The following MAGI3 variants were observed in gnomAD, a reference collection of about 807,000 sequenced individuals.
MAGI3 encodes membrane-associated guanylate kinase, WW and PDZ domain-containing protein 3.
Under a neutral mutation model 121.8 loss-of-function variants are expected in MAGI3, and 43 were observed. That is an observed-to-expected ratio of 0.35 (90% CI 0.28 to 0.46). The LOEUF (loss-of-function observed/expected upper bound fraction) is 0.46. MAGI3 is among the 20% of genes least tolerant of loss of function. The probability of loss-of-function intolerance (pLI) is 1.00; values close to 1 mark genes in which losing one functional copy is unlikely to be tolerated. For synonymous variants in MAGI3, 553 were observed against 639.3 expected (o/e 0.86, Z 2.04); for missense variants, 1,547 against 1,797.3 (o/e 0.86, Z 2.52).
Position 113,651,006 on chromosome 1 carries a change from C to T in MAGI3, c.2248-8C>T, listed in dbSNP as rs1390920088. On this transcript the variant is annotated splice_region_variant and splice_polypyrimidine_tract_variant and intron_variant, in intron 13 of 20. Coordinates refer to ENST00000307546, the MANE Select transcript of MAGI3 (RefSeq NM_001142782.2). ...TGTGGACCAAACTGTACTTTGTTAT[C>T]TTATCAGATATATATTGGGGCTATT... 3 of 1,611,426 alleles carry T rather than the reference C, an allele frequency of 1.9e-6. No homozygotes were observed. Among genetic ancestry groups the T allele is most frequent in the Admixed American group, 3.4e-5 (2 of 59,430 alleles).
chr1:113,666,981 CT>C (rs1417117512), intron 16 of MAGI3, among the ~76,000 whole-genome samples: 1 of 152,146 alleles, frequency 6.6e-6, no homozygotes, highest in African/African-American at 2.4e-5. Flanking sequence ...AGCAGTAGGT[CT>C]CAACAGTGGG....
At chr1:113,545,317 A>C (rs1484582351) in intron 1 of MAGI3, among the ~76,000 whole-genome samples, 1 of 150,852 alleles carries the variant, frequency 6.6e-6, no homozygotes, top group Non-Finnish European at 1.5e-5. Context: ...AGACATGCCA[A>C]AATGACCTCA....
chr1:113,423,124 G>T (rs555235275), intron 1 of MAGI3, among the ~76,000 whole-genome samples: 1 of 152,224 alleles, frequency 6.6e-6, no homozygotes, highest in East Asian at 1.9e-4. Flanking sequence ...GAGATTATGT[G>T]GACAACTAGA....
chr1:113,593,891 A>G (rs1158723349), intron 5 of MAGI3, among the ~76,000 whole-genome samples: 2 of 152,200 alleles, frequency 1.3e-5, no homozygotes, highest in African/African-American at 2.4e-5. Flanking sequence ...TGTAGAGCAG[A>G]GTTTAACTAT....
chr1:113,456,455 C>T (rs993922467), intron 1 of MAGI3, among the ~76,000 whole-genome samples: 4 of 152,138 alleles, frequency 2.6e-5, no homozygotes, highest in African/African-American at 9.7e-5. Context: ...TTATTTCAAT[C>T]TCAAATTTGA....
chr1:113,671,935 G>A, intron 17 of MAGI3, 99 bp downstream of exon 17: 1 of 1,074,058 alleles, frequency 9.3e-7, no homozygotes, highest in Non-Finnish European at 1.4e-6. Flanking sequence ...CCCCCATGCA[G>A]TAATGCAGAT....
intron 2 of MAGI3, among the ~76,000 whole-genome samples, chr1:113,558,111 A>C (rs1415590118): frequency 6.6e-6 from 1 of 152,240 alleles, no homozygotes; most frequent in African/African-American, 2.4e-5. Context: ...AGAAAGAATC[A>C]ATGCAAAAAA....
intron 7 of MAGI3, among the ~76,000 whole-genome samples, chr1:113,614,887 A>T (rs920950495): frequency 1.3e-5 from 2 of 152,132 alleles, no homozygotes; most frequent in African/African-American, 4.8e-5. Flanking sequence ...TTGCCTAGAC[A>T]ATTAATAGCT....
chr1:113,598,174 T>C (rs1649136626), intron 6 of MAGI3, among the ~76,000 whole-genome samples: 1 of 151,968 alleles, frequency 6.6e-6, no homozygotes, highest in South Asian at 2.1e-4. Flanking sequence ...ATTGCACCAC[T>C]GTACTCCAGC....
chr1:113,626,728 T>A (rs533825780), intron 9 of MAGI3, among the ~76,000 whole-genome samples: 10 of 152,312 alleles, frequency 6.6e-5, no homozygotes, highest in African/African-American at 2.4e-4. Context: ...GTTTTCCAAT[T>A]TGTTGGCATA....
At chr1:113,562,158 C>A (rs1660265609) in intron 2 of MAGI3, among the ~76,000 whole-genome samples, 1 of 152,322 alleles carries the variant, frequency 6.6e-6, no homozygotes, top group Admixed American at 6.5e-5. Context: ...GTAATCCCAG[C>A]ACTTTGGGAG....
chr1:113,472,292 T>A (rs1282611737), intron 1 of MAGI3, among the ~76,000 whole-genome samples: 5 of 150,116 alleles, frequency 3.3e-5, no homozygotes, highest in African/African-American at 9.8e-5. Context: ...AAGCTCCGCC[T>A]CCCGGGTTCA....
intron 19 of MAGI3, among the ~76,000 whole-genome samples, chr1:113,675,077 T>C (rs1462033054): frequency 6.6e-6 from 1 of 152,160 alleles, no homozygotes; most frequent in Non-Finnish European, 1.5e-5. Flanking sequence ...TAAAAGCCGA[T>C]GGGTCGCAGG....
At chr1:113,452,539 A>G (rs1401583159) in intron 1 of MAGI3, among the ~76,000 whole-genome samples, 2 of 151,944 alleles carry the variant, frequency 1.3e-5, no homozygotes, top group East Asian at 1.9e-4. Context: ...ATATCTTTTC[A>G]TAATCTATTG....
Position 113,642,205 on chromosome 1 carries a change from G to A in MAGI3, c.1655G>A (p.Gly552Asp), listed in dbSNP as rs149386339. 1.5e-4 allele frequency: 246 copies of A among 1,614,130 alleles called. No individual in the cohort carries two copies. In the African/African-American group the frequency reaches 3.2e-3, roughly 21 times the overall value. The change falls in exon 10 of 21, where the codon GGT (glycine) becomes GAT (aspartate). Residue 552 changes from glycine to aspartate, a missense_variant. Physicochemically the swap from Gly to Asp is moderately conservative, Grantham distance 94 (BLOSUM62 -1). Transcript: ENST00000307546. The part of the protein sequence containing the change: ...GKSGHTLTGD[G>D]LNGPSDASEQ... ...TCGGGACACACTTTGACTGGTGATG[G>A]TCTCAATGGACCATCAGATGCAAGT...
intron 2 of MAGI3, among the ~76,000 whole-genome samples, chr1:113,570,293 G>A (rs537129555): frequency 6.6e-6 from 1 of 152,202 alleles, no homozygotes; most frequent in South Asian, 2.1e-4. Context: ...TTCTATCATT[G>A]ATGGGCACTT....
intron 2 of MAGI3, among the ~76,000 whole-genome samples, chr1:113,560,303 G>A (rs1660170121): frequency 1.3e-5 from 2 of 152,012 alleles, no homozygotes; most frequent in Admixed American, 1.3e-4. Flanking sequence ...TTGAACCTGG[G>A]AGGCAGAGGT....
chr1:113,524,760 C>T (rs927260220), intron 1 of MAGI3, among the ~76,000 whole-genome samples: 3 of 152,096 alleles, frequency 2.0e-5, no homozygotes, highest in Admixed American at 1.3e-4. Context: ...TGAGTTAAGA[C>T]TTTGGGGAAC....
intron 2 of MAGI3, among the ~76,000 whole-genome samples, chr1:113,563,691 G>A (rs1364933142): frequency 6.6e-6 from 1 of 152,190 alleles, no homozygotes; most frequent in Non-Finnish European, 1.5e-5. Context: ...AACATCCTCT[G>A]AGAACCAGTT....
Sources: allele counts gnomAD v4.1 joint callset (sites outside exome capture counted in the v4.1 genomes callset), GRCh38; gene constraint gnomAD v4.1.1; transcripts MANE v1.5; gene names NCBI Gene and HGNC (gene_info 2026-07-23, HGNC 2026-07-21).